The following CHRDL1 variants were observed in gnomAD, a reference collection of about 807,000 sequenced individuals.
CHRDL1 encodes chordin-like protein 1.
A neutral mutation model predicts 40.9 loss-of-function variants in CHRDL1; 19 were observed. That is an observed-to-expected ratio of 0.46 (90% CI 0.32 to 0.68). CHRDL1 has a LOEUF of 0.68. Ranked by LOEUF, CHRDL1 falls within the 30% of genes least tolerant of loss-of-function variation. The pLI is 0.03. For missense variants in CHRDL1, 329 were observed against 352.1 expected (o/e 0.93, Z 0.53); for synonymous variants, 136 against 123.4 (o/e 1.10, Z -0.68).
chrX:110,724,965 G>C (rs1459311761), intron 4 of CHRDL1, among the ~76,000 whole-genome samples: 1 of 111,807 alleles, frequency 8.9e-6, no homozygotes, highest in Admixed American at 9.5e-5. Flanking sequence ...CAGTGTTCCT[G>C]ACTGAAAACT....
intron 4 of CHRDL1, among the ~76,000 whole-genome samples, chrX:110,741,752 C>G (rs2071364451): frequency 8.9e-6 from 1 of 111,931 alleles, no homozygotes; most frequent in Non-Finnish European, 1.9e-5. Flanking sequence ...ATTTTTAGGG[C>G]TGGGAGGGTC....
chrX:110,714,765 T>C (rs2070811142), intron 6 of CHRDL1, among the ~76,000 whole-genome samples: 1 of 111,732 alleles, frequency 8.9e-6, no homozygotes, highest in Non-Finnish European at 1.9e-5. Flanking sequence ...ATGCCCTTTA[T>C]ATGAAGGTTT....
intron 1 of CHRDL1, among the ~76,000 whole-genome samples, chrX:110,792,493 T>C (rs754503114): frequency 1.1e-3 from 124 of 112,349 alleles, no homozygotes; most frequent in Non-Finnish European, 1.9e-3. Flanking sequence ...AATTTTGAAA[T>C]CTTCCTTTCT....
intron 6 of CHRDL1, among the ~76,000 whole-genome samples, chrX:110,713,902 T>A (rs925740718): frequency 9.0e-6 from 1 of 111,378 alleles, no homozygotes; most frequent in African/African-American, 3.3e-5. Flanking sequence ...AGAGTCCAAG[T>A]ACATAGCCTT....
intron 8 of CHRDL1, among the ~76,000 whole-genome samples, chrX:110,691,771 C>T (rs1370249705): frequency 9.0e-6 from 1 of 111,633 alleles, no homozygotes; most frequent in Admixed American, 9.5e-5. Context: ...AACTGGTCAA[C>T]CCACGTAAAG....
At chrX:110,722,878 T>C (rs2070987238) in intron 4 of CHRDL1, among the ~76,000 whole-genome samples, 1 of 111,470 alleles carries the variant, frequency 9.0e-6, no homozygotes, top group Admixed American at 9.6e-5. Context: ...CCATCCTTTC[T>C]TTTCCATCAG....
chrX:110,714,621 A>G (rs2070808167), intron 6 of CHRDL1, among the ~76,000 whole-genome samples: 1 of 111,198 alleles, frequency 9.0e-6, no homozygotes, highest in East Asian at 2.8e-4. Flanking sequence ...GCTCTCCTTG[A>G]CTGTCCCAGC....
At chrX:110,690,870 T>A (rs1265286029) in intron 8 of CHRDL1, among the ~76,000 whole-genome samples, 1 of 111,212 alleles carries the variant, frequency 9.0e-6, no homozygotes, top group Non-Finnish European at 1.9e-5. Flanking sequence ...ATTTGTTAAG[T>A]GGGAAGTTAA....
intron 2 of CHRDL1, among the ~76,000 whole-genome samples, chrX:110,790,909 C>T (rs2090087819): frequency 9.5e-6 from 1 of 105,299 alleles, no homozygotes; most frequent in Non-Finnish European, 1.9e-5. Flanking sequence ...CCCAATCATA[C>T]TAGATATCAC....
chrX:110,767,826 T>C (rs1409508702), intron 2 of CHRDL1, among the ~76,000 whole-genome samples: 2 of 110,593 alleles, frequency 1.8e-5, no homozygotes, highest in Non-Finnish European at 3.8e-5. Flanking sequence ...GCAAATTCAA[T>C]ACAATCCCCA....
intron 9 of CHRDL1, 76 bp downstream of exon 9, chrX:110,688,518 C>G: frequency 3.1e-6 from 2 of 641,757 alleles, no homozygotes; most frequent in South Asian, 5.0e-5. Flanking sequence ...GGTTATGTTT[C>G]TGATGCCTAA....
At position 110,792,232 on chromosome X, in the gene CHRDL1, A is replaced by G. The variant is rs371330342; in HGVS notation, c.-34-17T>C. 1 of 745,792 alleles carries G rather than the reference A, an allele frequency of 1.3e-6. No homozygotes were observed. Among genetic ancestry groups the G allele is most frequent in the Non-Finnish European group, 2.0e-6 (1 of 490,369 alleles). The allele number at this position is 745,792 out of a possible 1,213,427, so 61.5% of individuals were successfully genotyped here. On this transcript the variant is annotated splice_polypyrimidine_tract_variant and intron_variant, in intron 1 of 11. Transcript: ENST00000372042. ...ACCTTCAAGCTGTTGGGAAGAAAGC[A>G]GAAAAAAGACTTAACACAGATCTTC...
intron 4 of CHRDL1, among the ~76,000 whole-genome samples, chrX:110,729,219 T>C (rs2071113611): frequency 8.9e-6 from 1 of 112,106 alleles, no homozygotes; most frequent in African/African-American, 3.2e-5. Flanking sequence ...GCTATGTGGA[T>C]TCAGACGACA....
intron 4 of CHRDL1, among the ~76,000 whole-genome samples, chrX:110,721,793 A>G (rs185635629): frequency 1.5e-4 from 17 of 112,338 alleles, no homozygotes; most frequent in African/African-American, 4.5e-4. Context: ...CTGAGCACCT[A>G]CTATGTGCCA....
intron 4 of CHRDL1, among the ~76,000 whole-genome samples, chrX:110,751,127 A>G (rs186835186): frequency 1.8e-5 from 2 of 111,493 alleles, no homozygotes; most frequent in Admixed American, 1.9e-4. Flanking sequence ...TGCAGCCTAA[A>G]TGATTCAGGA....
intron 9 of CHRDL1, among the ~76,000 whole-genome samples, chrX:110,682,167 T>A (rs1364979764): frequency 8.9e-6 from 1 of 112,230 alleles, no homozygotes; most frequent in African/African-American, 3.2e-5. Context: ...TATGTGCATA[T>A]ACTTGCCCAA....
chrX:110,696,960 T>G lies in CHRDL1; in HGVS notation c.610-2629A>C, dbSNP rs752723746. ...CCCCTAAACAAATGAAAGAGACTTATGAGGGGCCATTCTGACCTTGTAACT... is the reference window on the plus strand; with the variant it reads ...CCCCTAAACAAATGAAAGAGACTTAGGAGGGGCCATTCTGACCTTGTAACT... On this transcript the variant is annotated intron_variant, in intron 7 of 11. Transcript: ENST00000372042. 1.8e-5 allele frequency among the ~76,000 whole-genome samples: 2 copies of G among 110,861 alleles called. 1 individual carries two copies. Among genetic ancestry groups the G allele is most frequent in the African/African-American group, 6.6e-5 (2 of 30,216 alleles).
At chrX:110,709,731 G>A (rs1040997863) in intron 6 of CHRDL1, among the ~76,000 whole-genome samples, 4 of 112,188 alleles carry the variant, frequency 3.6e-5, no homozygotes, top group Non-Finnish European at 7.5e-5. Context: ...CCCACTGAGC[G>A]CGGTGACTCA....
At chrX:110,787,999 A>G (rs2090043295) in intron 2 of CHRDL1, among the ~76,000 whole-genome samples, 1 of 112,703 alleles carries the variant, frequency 8.9e-6, no homozygotes, top group African/African-American at 3.2e-5. Context: ...CCATATTTGC[A>G]TGAATATTAT....
Sources: allele counts gnomAD v4.1 joint callset (sites outside exome capture counted in the v4.1 genomes callset), GRCh38; gene constraint gnomAD v4.1.1; transcripts MANE v1.5; gene names NCBI Gene and HGNC (gene_info 2026-07-23, HGNC 2026-07-21).